CDH13: variants seen among roughly 807,000 people sequenced by gnomAD.
The protein encoded by CDH13 is cadherin-13.
A neutral mutation model predicts 63.8 loss-of-function variants in CDH13; 24 were observed. The ratio of observed to expected loss-of-function variants is 0.38; its 90% CI spans 0.27 to 0.53. The LOEUF (loss-of-function observed/expected upper bound fraction) is 0.53. Ranked by LOEUF, CDH13 falls within the 20% of genes least tolerant of loss-of-function variation. CDH13 has a pLI of 0.85. For synonymous variants in CDH13, 503 were observed against 355.3 expected (o/e 1.42, Z -4.67); for missense variants, 1,049 against 903.1 (o/e 1.16, Z -2.07).
At chr16:82,953,571 TCAG>T (rs1905604611) in intron 2 of CDH13, 1 of 152,238 alleles carries the variant, frequency 6.6e-6, no homozygotes, top group Admixed American at 6.5e-5. Flanking sequence ...TTAATTCTGA[TCAG>T]CAGCTCTGGT....
At chr16:83,004,391 C>CA (rs1456532047) in intron 2 of CDH13, among the ~76,000 whole-genome samples, 3 of 152,174 alleles carry the variant, frequency 2.0e-5, no homozygotes, top group African/African-American at 7.2e-5. Flanking sequence ...AAGAATGCTA[C>CA]AAAAACAGAA....
At chr16:83,733,586 G>T (rs1338755640) in intron 10 of CDH13, among the ~76,000 whole-genome samples, 1 of 152,180 alleles carries the variant, frequency 6.6e-6, no homozygotes. Context: ...CGCTGCAGCT[G>T]GCTTCATTTA....
intron 6 of CDH13, among the ~76,000 whole-genome samples, chr16:83,425,482 T>A (rs2071865251): frequency 6.6e-6 from 1 of 152,252 alleles, no homozygotes; most frequent in South Asian, 2.1e-4. Context: ...CTCAGGAGGC[T>A]CACAGAGAAG....
intron 1 of CDH13, among the ~76,000 whole-genome samples, chr16:82,812,490 G>A (rs1276446067): frequency 6.6e-6 from 1 of 152,110 alleles, no homozygotes; most frequent in Non-Finnish European, 1.5e-5. Flanking sequence ...GCCAGGTGAG[G>A]TGGTGGAGGT....
chr16:82,662,675 C>G (rs530868579), intron 1 of CDH13, among the ~76,000 whole-genome samples: 1 of 152,310 alleles, frequency 6.6e-6, no homozygotes, highest in Admixed American at 6.5e-5. Flanking sequence ...CATAGGACCT[C>G]TCACTACTAA....
At chr16:82,771,378 T>C (rs546126704) in intron 1 of CDH13, among the ~76,000 whole-genome samples, 151 of 152,334 alleles carry the variant, frequency 9.9e-4, no homozygotes, top group African/African-American at 3.3e-3. Context: ...AGAAAGGATA[T>C]ATTAAATTGG....
At chr16:82,791,675 G>A (rs2036312445) in intron 1 of CDH13, among the ~76,000 whole-genome samples, 1 of 152,218 alleles carries the variant, frequency 6.6e-6, no homozygotes. Flanking sequence ...TGTCCACTGT[G>A]CTCCTGATCC....
chr16:83,340,784 A>C (rs2090705104), intron 5 of CDH13, among the ~76,000 whole-genome samples: 1 of 152,166 alleles, frequency 6.6e-6, no homozygotes, highest in Non-Finnish European at 1.5e-5. Context: ...CAGGCTACCT[A>C]CTATGGAATT....
chr16:83,152,017 A>G (rs1052707228), intron 4 of CDH13, among the ~76,000 whole-genome samples: 7 of 152,338 alleles, frequency 4.6e-5, no homozygotes, highest in African/African-American at 1.7e-4. Flanking sequence ...AAACAAAAAA[A>G]AAAAGAATAT....
intron 2 of CDH13, among the ~76,000 whole-genome samples, chr16:82,900,093 A>C (rs2041412056): frequency 6.6e-6 from 1 of 152,098 alleles, no homozygotes; most frequent in South Asian, 2.1e-4. Context: ...TGACTTTTCC[A>C]AATATACCAT....
At chr16:82,745,059 C>G (rs545980398) in intron 1 of CDH13, among the ~76,000 whole-genome samples, 44 of 152,288 alleles carry the variant, frequency 2.9e-4, no homozygotes, top group African/African-American at 1.0e-3. Context: ...GACAAATCAG[C>G]AAAAGGTTAG....
At position 83,360,282 on chromosome 16, in the gene CDH13, A is replaced by G. The variant is rs116781743; in HGVS notation, c.781+15276A>G. ...TGAGATATTCGACAATGTACCACGTACGGAAAATACATCTGTGTTCTGTGT... is the reference window on the plus strand; with the variant it reads ...TGAGATATTCGACAATGTACCACGTGCGGAAAATACATCTGTGTTCTGTGT... On this transcript the variant is annotated intron_variant, in intron 6 of 13. Transcript: ENST00000567109. Among the ~76,000 whole-genome samples the G allele has an allele frequency of 9.1e-3, 1,393 of 152,332 alleles. 16 individuals carry two copies. Among genetic ancestry groups the G allele is most frequent in the African/African-American group, 0.031 (1,294 of 41,568 alleles).
At chr16:83,543,236 G>A (rs1015405098) in intron 7 of CDH13, among the ~76,000 whole-genome samples, 3 of 152,164 alleles carry the variant, frequency 2.0e-5, no homozygotes, top group Non-Finnish European at 2.9e-5. Context: ...GTGACATTTC[G>A]TATAGCAAAT....
intron 5 of CDH13, among the ~76,000 whole-genome samples, chr16:83,300,156 T>C (rs2089699307): frequency 6.6e-6 from 1 of 152,180 alleles, no homozygotes; most frequent in Non-Finnish European, 1.5e-5. Flanking sequence ...TTAAAGACCA[T>C]CTTTGAAGTC....
intron 1 of CDH13, among the ~76,000 whole-genome samples, chr16:82,703,977 T>C (rs1468988925): frequency 6.6e-6 from 1 of 152,170 alleles, no homozygotes; most frequent in Admixed American, 6.5e-5. Context: ...CCAATTTGTG[T>C]TTTCAAGGCT....
intron 6 of CDH13, among the ~76,000 whole-genome samples, chr16:83,349,100 T>C (rs2090899006): frequency 1.3e-5 from 2 of 152,138 alleles, no homozygotes; most frequent in African/African-American, 4.8e-5. Flanking sequence ...AACTCCGGGG[T>C]ATTGTTTTGG....
chr16:83,529,091 CTT>C (rs10562201), intron 7 of CDH13, among the ~76,000 whole-genome samples: 76,948 of 140,364 alleles, frequency 0.55, 22,265 homozygotes, highest in Non-Finnish European at 0.67. Flanking sequence ...ATACCTCTGT[CTT>C]TTTTTTTTTT....
intron 7 of CDH13, among the ~76,000 whole-genome samples, chr16:83,600,028 G>A (rs1907631543): frequency 6.6e-6 from 1 of 152,132 alleles, no homozygotes; most frequent in Admixed American, 6.5e-5. Context: ...ACTTCCATTA[G>A]GCTCAAGTTT....
chr16:83,320,756 G>T (rs540393294), intron 5 of CDH13, among the ~76,000 whole-genome samples: 3 of 152,134 alleles, frequency 2.0e-5, no homozygotes, highest in Admixed American at 1.3e-4. Flanking sequence ...TAGACCAAGC[G>T]CAAGGAATGA....
Sources: allele counts gnomAD v4.1 joint callset (sites outside exome capture counted in the v4.1 genomes callset), GRCh38; gene constraint gnomAD v4.1.1; transcripts MANE v1.5; gene names NCBI Gene and HGNC (gene_info 2026-07-23, HGNC 2026-07-21).